CAPN5: variants seen among roughly 807,000 people sequenced by gnomAD.
CAPN5 encodes calpain-5.
A neutral mutation model predicts 73.0 loss-of-function variants in CAPN5; 54 were observed. That is an observed-to-expected ratio of 0.74 (90% CI 0.59 to 0.93). The LOEUF (loss-of-function observed/expected upper bound fraction) is 0.93. Ranked by LOEUF, CAPN5 falls within the 40% of genes least tolerant of loss-of-function variation. The pLI is 0.00. For missense variants in CAPN5, 785 were observed against 882.9 expected (o/e 0.89, Z 1.41); for synonymous variants, 335 against 356.9 (o/e 0.94, Z 0.69).
At chr11:77,073,256 C>A in intron 1 of CAPN5, 1 of 458,192 alleles carries the variant, frequency 2.2e-6, no homozygotes, top group Non-Finnish European at 4.0e-6. Flanking sequence ...GCCCCCTGCC[C>A]AACAGTCTCC....
chr11:77,118,122 G>T (rs201836078), intron 7 of CAPN5, 35 bp from the exon 8 acceptor site: 2 of 1,580,690 alleles, frequency 1.3e-6, no homozygotes, highest in Non-Finnish European at 1.7e-6. Flanking sequence ...GGAGGTGTGG[G>T]GGAGGTACCC....
intron 3 of CAPN5, 70 bp downstream of exon 3, chr11:77,093,883 C>T (rs1950180607): frequency 6.4e-7 from 1 of 1,565,950 alleles, no homozygotes; most frequent in Non-Finnish European, 8.7e-7. Flanking sequence ...CACTGCCAGA[C>T]AGGCGGAACC....
intron 1 of CAPN5, among the ~76,000 whole-genome samples, chr11:77,084,209 A>C (rs1232911492): frequency 6.6e-6 from 1 of 152,080 alleles, no homozygotes; most frequent in Admixed American, 6.6e-5. Context: ...TGGTCAGCAC[A>C]TTGGTGCAAA....
rs1334245734 is a variant in CAPN5, at chr11:77,120,645, G to T, written c.1291-68G>T. The T allele has an allele frequency of 3.9e-6, 4 of 1,032,300 alleles. No individual in the cohort carries two copies. The African/African-American group carries it at 6.3e-5, about 16-fold the overall frequency. 63.9% of individuals were successfully genotyped at this position (1,032,300 alleles called of 1,614,324 possible). On this transcript the variant is annotated intron_variant, in intron 9 of 12. Coordinates refer to ENST00000648180, the MANE Select transcript of CAPN5 (RefSeq NM_004055.5). ...TCGTCCCTTCCATGGTGGTGAGGGG[G>T]AGGCGGGGTGGGCCAGGGTGTTGTA...
In CAPN5 at chr11:77,116,304, G is replaced by A. The variant is rs1950467909; in HGVS notation, c.971+1G>A. 6.2e-7 allele frequency: 1 copy of A among 1,612,414 alleles called. No homozygotes were observed. The highest frequency in any genetic ancestry group is 1.1e-5 in the South Asian group (1 of 90,650). On this transcript the variant is annotated splice_donor_variant, in intron 7 of 12. Coordinates refer to ENST00000648180, the MANE Select transcript of CAPN5 (RefSeq NM_004055.5). LOFTEE classifies it high-confidence loss of function. Reference sequence around the variant, plus strand: ...CCGTGCAGGACGACGGTGAGTTCTGGTGAGTGTGTATGTGCCCTGGGCGTC... The same window carrying A: ...CCGTGCAGGACGACGGTGAGTTCTGATGAGTGTGTATGTGCCCTGGGCGTC...
At chr11:77,115,017 C>T (rs1217730805) in intron 5 of CAPN5, among the ~76,000 whole-genome samples, 1 of 151,836 alleles carries the variant, frequency 6.6e-6, no homozygotes, top group Non-Finnish European at 1.5e-5. Context: ...GAGCCAAGAT[C>T]GCGCCATTGC....
chr11:77,092,877 G>A (rs1950163020), intron 2 of CAPN5, among the ~76,000 whole-genome samples: 1 of 152,232 alleles, frequency 6.6e-6, no homozygotes, highest in Non-Finnish European at 1.5e-5. Flanking sequence ...TGAGGCAGGA[G>A]AATTGCTTGA....
intron 12 of CAPN5, 105 bp from the exon 13 acceptor site, chr11:77,123,583 G>A (rs1253670917): frequency 1.7e-5 from 16 of 943,654 alleles, no homozygotes; most frequent in Non-Finnish European, 2.1e-5. Flanking sequence ...CCTCAGCCAG[G>A]CTTGCACTTC....
intron 1 of CAPN5, among the ~76,000 whole-genome samples, chr11:77,077,615 C>T (rs1949985591): frequency 6.6e-6 from 1 of 151,754 alleles, no homozygotes; most frequent in African/African-American, 2.4e-5. Flanking sequence ...CTGCAACCTC[C>T]ACCTCCTGGG....
chr11:77,092,391 C>A (rs1301267321), intron 2 of CAPN5, among the ~76,000 whole-genome samples: 1 of 152,262 alleles, frequency 6.6e-6, no homozygotes, highest in African/African-American at 2.4e-5. Context: ...TTTCACAGCA[C>A]TGCCTCAGGG....
intron 1 of CAPN5, among the ~76,000 whole-genome samples, chr11:77,078,557 G>T (rs1555034190): frequency 6.6e-6 from 1 of 152,094 alleles, no homozygotes; most frequent in Non-Finnish European, 1.5e-5. Flanking sequence ...GGTCTTTTGT[G>T]ATTCTGTATG....
At chr11:77,095,248 G>A (rs868906662) in intron 3 of CAPN5, among the ~76,000 whole-genome samples, 14 of 129,896 alleles carry the variant, frequency 1.1e-4, no homozygotes, top group African/African-American at 3.1e-4. Flanking sequence ...TGTGCTCTGG[G>A]TGTAGGGCCA....
chr11:77,070,016 G>T (rs1024740231), intron 1 of CAPN5, among the ~76,000 whole-genome samples: 1 of 152,074 alleles, frequency 6.6e-6, no homozygotes, highest in Non-Finnish European at 1.5e-5. Context: ...GTCCCTTTGC[G>T]GTTGGAATCT....
chr11:77,109,969 A>G (rs1251259036), intron 3 of CAPN5, among the ~76,000 whole-genome samples: 1 of 152,128 alleles, frequency 6.6e-6, no homozygotes, highest in Non-Finnish European at 1.5e-5. Context: ...GAGCAGAAGG[A>G]GGGGGTGAAG....
In CAPN5 at chr11:77,116,261, G is replaced by T. The variant is rs1323877204; in HGVS notation, c.929G>T (p.Arg310Leu). 2 of 1,613,696 alleles carry T rather than the reference G, an allele frequency of 1.2e-6. No individual in the cohort carries two copies. Among genetic ancestry groups the T allele is most frequent in the Admixed American group, 3.3e-5 (2 of 59,972 alleles). Residue 310 changes from arginine (R) to leucine (L), a missense_variant, in exon 7 of 13, where the codon CGG (arginine) becomes CTG (leucine). Arg to Leu is a moderately radical substitution (Grantham distance 102). Coordinates refer to ENST00000648180, the MANE Select transcript of CAPN5 (RefSeq NM_004055.5). ...TGGCAGAAAGTGAGCAAGAGTGAGC[G>T]GGAGAAGATGGGTGTGACCGTGCAG... Reference protein sequence around the residue: ...EEWQKVSKSEREKMGVTVQDD... With the variant: ...EEWQKVSKSELEKMGVTVQDD...
chr11:77,114,234 C>A lies in CAPN5; in HGVS notation c.507-8C>A, dbSNP rs1555041238. On this transcript the variant is annotated splice_region_variant and splice_polypyrimidine_tract_variant and intron_variant, in intron 4 of 12. Coordinates refer to ENST00000648180, the MANE Select transcript of CAPN5 (RefSeq NM_004055.5). ...TGAGCTGGGAAGTCTTTCCACATTGCTTCCCAGACTGGCAGGCTGTTACCA... is the reference window on the plus strand; with the variant it reads ...TGAGCTGGGAAGTCTTTCCACATTGATTCCCAGACTGGCAGGCTGTTACCA... 1.9e-6 allele frequency: 3 copies of A among 1,613,254 alleles called. No homozygotes were observed. The highest frequency in any genetic ancestry group is 2.2e-5 in the South Asian group (2 of 91,058).
At chr11:77,121,889 TG>T in intron 10 of CAPN5, 44 bp from the exon 11 acceptor site, 1 of 1,093,788 alleles carries the variant, frequency 9.1e-7, no homozygotes, top group Non-Finnish European at 1.3e-6. Flanking sequence ...CCTGTCTTCC[TG>T]GCCCTTCTCC....
chr11:77,118,130 C>G (rs782161480), intron 7 of CAPN5, 27 bp from the exon 8 acceptor site: 2 of 1,592,708 alleles, frequency 1.3e-6, no homozygotes, highest in Admixed American at 3.4e-5. Flanking sequence ...GGGGGAGGTA[C>G]CCTGCTCAGC....
At chr11:77,097,351 T>C (rs1950220574) in intron 3 of CAPN5, among the ~76,000 whole-genome samples, 1 of 151,828 alleles carries the variant, frequency 6.6e-6, no homozygotes, top group Admixed American at 6.6e-5. Context: ...CTGAGAACCA[T>C]AGTAGGTACT....
Sources: allele counts gnomAD v4.1 joint callset (sites outside exome capture counted in the v4.1 genomes callset), GRCh38; gene constraint gnomAD v4.1.1; transcripts MANE v1.5; gene names NCBI Gene and HGNC (gene_info 2026-07-23, HGNC 2026-07-21).